GRIN2C: variants seen among roughly 807,000 people sequenced by gnomAD.
The protein encoded by GRIN2C is glutamate receptor ionotropic, NMDA 2C.
A neutral mutation model predicts 77.7 loss-of-function variants in GRIN2C; 64 were observed. The observed-to-expected ratio is 0.82, with a 90% CI of 0.67 to 1.01. The LOEUF (loss-of-function observed/expected upper bound fraction) is 1.01, where lower values mean the gene tolerates loss of function less well. Ranked by LOEUF, GRIN2C falls within the 50% of genes least tolerant of loss-of-function variation. The pLI, the probability that GRIN2C is intolerant of heterozygous loss-of-function variation, is 0.00. For missense variants in GRIN2C, 1,549 were observed against 1,486.0 expected (o/e 1.04, Z -0.70); for synonymous variants, 792 against 643.4 (o/e 1.23, Z -3.49).
chr17:74,842,380 C>G lies in GRIN2C; in HGVS notation c.*55G>C, dbSNP rs1454562340. On this transcript the variant is annotated 3_prime_UTR_variant, in exon 13 of 13. Coordinates refer to ENST00000293190, the MANE Select transcript of GRIN2C (RefSeq NM_000835.6). ...AGCCCAATCCTGCCTGCCGCTTAAC[C>G]CTGACAGTGGCAGGCAGAGAATCCA... is the stretch of plus-strand genomic sequence containing the variant. 1.4e-6 allele frequency: 1 copy of G among 738,522 alleles called. No homozygotes were observed. Among genetic ancestry groups the G allele is most frequent in the Non-Finnish European group, 2.5e-6 (1 of 398,772 alleles). 45.7% of individuals were successfully genotyped at this position (738,522 alleles called of 1,614,324 possible).
In GRIN2C at chr17:74,859,280, G is replaced by A. The variant is rs1035429766; in HGVS notation, c.-16+464C>T. 9.2e-5 allele frequency among the ~76,000 whole-genome samples: 14 copies of A among 152,292 alleles called. No homozygotes were observed. Among genetic ancestry groups the A allele is most frequent in the South Asian group, 8.3e-4 (4 of 4,820 alleles). On this transcript the variant is annotated intron_variant, in intron 1 of 12. Transcript: ENST00000293190. The surrounding 1 kb of genome is among the most constrained non-coding windows in gnomAD (Gnocchi z 5.9). ...GAGGATGGCAGTGGTCAGTCCTGCA[G>A]GACACAGCAGCATCTAGAAGGGTCT...
chr17:74,844,112 G>C (rs1049404855), intron 12 of GRIN2C, 164 bp downstream of exon 12: 13 of 1,349,088 alleles, frequency 9.6e-6, no homozygotes, highest in Middle Eastern at 2.7e-4. Context: ...GGACTCAAGG[G>C]ATCCACTGGC....
intron 11 of GRIN2C, 107 bp downstream of exon 11, chr17:74,845,959 A>C: frequency 9.7e-7 from 1 of 1,030,144 alleles, no homozygotes; most frequent in Non-Finnish European, 1.5e-6. Flanking sequence ...CACCCCCCAG[A>C]GACCTCTCCC....
Position 74,846,023 on chromosome 17 carries a change from C to T in GRIN2C, c.2350+43G>A, listed in dbSNP as rs935859146. 6.4e-7 allele frequency: 1 copy of T among 1,573,396 alleles called. No homozygotes were observed. The highest frequency in any genetic ancestry group is 8.7e-7 in the Non-Finnish European group (1 of 1,144,706). ...TGGTGGAAATGCTGACAACCTTGGG[C>T]TCCACAGCCCACCCTGGGCATCCCA... On this transcript the variant is annotated intron_variant, in intron 11 of 12. Coordinates refer to ENST00000293190, the MANE Select transcript of GRIN2C (RefSeq NM_000835.6). This position sits in a 1 kb window ranked among gnomAD's most constrained non-coding sequence, Gnocchi z 4.4.
At chr17:74,859,916 C>G, upstream of GRIN2C, 1 of 164,184 alleles carries the variant, frequency 6.1e-6, no homozygotes, top group Non-Finnish European at 1.3e-5. The surrounding 1 kb of genome is among the most constrained non-coding windows in gnomAD (Gnocchi z 5.9). Flanking sequence ...CGGCTCCGGG[C>G]GGGGACCCGC....
At position 74,847,272 on chromosome 17, in the gene GRIN2C, G is replaced by GGC; in HGVS notation, c.2001+35_2001+36insGC. On this transcript the variant is annotated intron_variant, in intron 9 of 12. Transcript: ENST00000293190. This position sits in a 1 kb window ranked among gnomAD's most constrained non-coding sequence, Gnocchi z 5.2. Reference sequence around the variant, plus strand: ...CTCACGGCCTGTCCCCACCCTCAGTGCCCCCCCCCACCCCCAGCAGCTATG... The same window carrying GGC: ...CTCACGGCCTGTCCCCACCCTCAGTGGCCCCCCCCCCACCCCCAGCAGCTATG... The GGC allele has an allele frequency of 1.0e-4, 71 of 692,244 alleles. No homozygotes were observed. The highest frequency in any genetic ancestry group is 2.6e-4 in the South Asian group (18 of 70,328). The allele number at this position is 692,244 out of a possible 1,614,324, so 42.9% of individuals were successfully genotyped here.
intron 1 of GRIN2C, among the ~76,000 whole-genome samples, chr17:74,856,067 C>T (rs1323982216): frequency 6.6e-6 from 1 of 152,232 alleles, no homozygotes; most frequent in African/African-American, 2.4e-5. Flanking sequence ...AACCCAGGGG[C>T]CTGACACGTA....
intron 12 of GRIN2C, 123 bp from the exon 13 acceptor site, chr17:74,843,676 T>A: frequency 7.7e-7 from 1 of 1,296,894 alleles, no homozygotes; most frequent in Non-Finnish European, 1.0e-6. Context: ...TAGCTAACTG[T>A]GAAGCATCTC....
Position 74,846,377 on chromosome 17 carries a change from C to G in GRIN2C, c.2163-124G>C. 1.3e-6 allele frequency: 1 copy of G among 766,028 alleles called. No homozygotes were observed. Among genetic ancestry groups the G allele is most frequent in the Non-Finnish European group, 2.2e-6 (1 of 463,926 alleles). The allele number at this position is 766,028 out of a possible 1,614,324, so 47.5% of individuals were successfully genotyped here. The stretch of plus-strand genomic sequence containing the variant: ...GGCACCCCCGGGAGGGACCAATGGG[C>G]AGAGACTTGTCTGGTTCTCTTGGGT... On this transcript the variant is annotated intron_variant, in intron 10 of 12. Coordinates refer to ENST00000293190, the MANE Select transcript of GRIN2C (RefSeq NM_000835.6). This position sits in a 1 kb window ranked among gnomAD's most constrained non-coding sequence, Gnocchi z 4.4.
intron 11 of GRIN2C, among the ~76,000 whole-genome samples, chr17:74,845,641 T>C (rs370584062): frequency 3.9e-5 from 6 of 152,282 alleles, no homozygotes; most frequent in East Asian, 3.9e-4. Context: ...GGGGGCAGGC[T>C]GGGCTGGACC....
At position 74,852,081 on chromosome 17, in the gene GRIN2C, C is replaced by A; in HGVS notation, c.930G>T (p.Leu310=). The A allele has an allele frequency of 1.4e-6, 2 of 1,460,544 alleles. No individual in the cohort carries two copies. The highest frequency in any genetic ancestry group is 1.8e-6 in the Non-Finnish European group (2 of 1,105,084). 90.5% of individuals were successfully genotyped at this position (1,460,544 alleles called of 1,614,324 possible). Residue 310 remains leucine (L), a synonymous_variant, in exon 3 of 13, where the codon CTG becomes CTT. Coordinates refer to ENST00000293190, the MANE Select transcript of GRIN2C (RefSeq NM_000835.6). ...AHSYWRQHGT[L]PAPAGDCRVH... is the part of the protein sequence containing the mutation. Reference sequence around the variant, plus strand: ...CACGGCAGTCCCCGGCCGGGGCTGGCAGGGTTCCATGCTGGCGCCAGTAGC... The same window carrying A: ...CACGGCAGTCCCCGGCCGGGGCTGGAAGGGTTCCATGCTGGCGCCAGTAGC...
intron 1 of GRIN2C, among the ~76,000 whole-genome samples, chr17:74,856,162 C>T (rs868051407): frequency 1.5e-4 from 23 of 152,160 alleles, no homozygotes; most frequent in Non-Finnish European, 7.4e-5. Context: ...GTGGTGCCCA[C>T]GGATGTCACT....
At chr17:74,852,720 T>C (rs996397649) in intron 2 of GRIN2C, 109 bp from the exon 3 acceptor site, 119 of 519,376 alleles carry the variant, frequency 2.3e-4, no homozygotes, top group Non-Finnish European at 3.5e-4. Flanking sequence ...CGCCGGCGGA[T>C]GCTCCGCATT....
In GRIN2C at chr17:74,846,033, C is replaced by G. The variant is rs758089898; in HGVS notation, c.2350+33G>C. ...GCTGACAACCTTGGGCTCCACAGCC[C>G]ACCCTGGGCATCCCAGCAATGGCAG... On this transcript the variant is annotated intron_variant, in intron 11 of 12. Transcript: ENST00000293190. The surrounding 1 kb of genome is among the most constrained non-coding windows in gnomAD (Gnocchi z 4.4). The G allele has an allele frequency of 1.3e-6, 2 of 1,600,006 alleles. No individual in the cohort carries two copies. The highest frequency in any genetic ancestry group is 2.7e-5 in the African/African-American group (2 of 74,672).
Position 74,850,179 on chromosome 17 carries a change from G to A in GRIN2C, c.1491+27C>T. 1 of 1,611,174 alleles carries A rather than the reference G, an allele frequency of 6.2e-7. No homozygotes were observed. The highest frequency in any genetic ancestry group is 8.5e-7 in the Non-Finnish European group (1 of 1,178,998). ...GGCAGCAGGTGGGCAGGCAGGGCAG[G>A]TGAGGAGGGAGTGGGGTGGGGCCTA... On this transcript the variant is annotated intron_variant, in intron 6 of 12. Coordinates refer to ENST00000293190, the MANE Select transcript of GRIN2C (RefSeq NM_000835.6). The surrounding 1 kb of genome is among the most constrained non-coding windows in gnomAD (Gnocchi z 5.3).
rs2037766704 is a variant in GRIN2C at position 74,854,841 on chromosome 17, G to A, written c.252C>T (p.Leu84=). The stretch of plus-strand genomic sequence containing the variant: ...TGCCGTGGACGTGGGCAGCACCCAG[G>A]AGGCCGCAGATCTGGGTGAGGAGGC... ...PSSLLTQICG[L]LGAAHVHGIV... Residue 84 remains leucine (L), a synonymous_variant, in exon 2 of 13, where the codon CTC becomes CTT. Coordinates refer to ENST00000293190, the MANE Select transcript of GRIN2C (RefSeq NM_000835.6). The A allele has an allele frequency of 6.2e-7, 1 of 1,613,834 alleles. No homozygotes were observed. Among genetic ancestry groups the A allele is most frequent in the Non-Finnish European group, 8.5e-7 (1 of 1,179,872 alleles).
Position 74,843,124 on chromosome 17 carries a change from G to T in GRIN2C, c.3013C>A (p.Pro1005Thr). The change falls in exon 13 of 13, where the codon CCG (proline) becomes ACG (threonine). Residue 1005 changes from proline (P) to threonine (T), a missense_variant. This residue lies in a region of GRIN2C where 450 missense variants were observed against 267.9 expected (regional missense o/e 1.68). Transcript: ENST00000293190. Reference protein sequence around the residue: ...SRRPAWEARWPVRTGHCGRHL... With the variant: ...SRRPAWEARWTVRTGHCGRHL... ...CTCCCGCAGTGCCCGGTCCGCACCG[G>T]CCACCGCGCCTCCCAGGCTGGGCGG... 2.4e-6 allele frequency: 1 copy of T among 423,930 alleles called. No individual in the cohort carries two copies. The allele number at this position is 423,930 out of a possible 1,614,324, so 26.3% of individuals were successfully genotyped here.
At chr17:74,848,085 C>T in intron 7 of GRIN2C, 108 bp from the exon 8 acceptor site, 1 of 1,262,228 alleles carries the variant, frequency 7.9e-7, no homozygotes, top group East Asian at 2.4e-5. Context: ...AGGGGCCCAC[C>T]AGCTCTGCGG....
chr17:74,845,261 A>AT (rs34846249), intron 11 of GRIN2C, among the ~76,000 whole-genome samples: 4,996 of 97,676 alleles, frequency 0.051, 268 homozygotes, highest in African/African-American at 0.12. Context: ...GAGAAATCAG[A>AT]TTTTTTTTTT....
Sources: allele counts gnomAD v4.1 joint callset (sites outside exome capture counted in the v4.1 genomes callset), GRCh38; gene constraint gnomAD v4.1.1; regional missense constraint gnomAD v4.1.1; non-coding constraint Gnocchi (gnomAD v3.1); transcripts MANE v1.5; gene names NCBI Gene and HGNC (gene_info 2026-07-23, HGNC 2026-07-21).